Variants in SGCG observed in about 807,000 individuals in gnomAD.
The protein encoded by SGCG is sarcoglycan gamma.
SGCG carries 26 observed loss-of-function variants against 29.3 expected under a neutral mutation model. The observed-to-expected ratio is 0.89, with a 90% CI of 0.65 to 1.23. The LOEUF is 1.23. Ranked by LOEUF, SGCG falls within the 50% of genes most tolerant of loss-of-function variation. The pLI is 0.00. For synonymous variants in SGCG, 145 were observed against 129.7 expected (o/e 1.12, Z -0.80); for missense variants, 353 against 356.0 (o/e 0.99, Z 0.07).
At chr13:23,203,951 T>C in intron 2 of SGCG, 62 bp downstream of exon 2, 1 of 1,189,236 alleles carries the variant, frequency 8.4e-7, no homozygotes, top group Admixed American at 1.7e-5. Context: ...ACTTAGTCTG[T>C]ATTGTATTGA....
chr13:23,273,485 A>G (rs1880945014), intron 4 of SGCG, among the ~76,000 whole-genome samples: 1 of 152,166 alleles, frequency 6.6e-6, no homozygotes, highest in Non-Finnish European at 1.5e-5. Flanking sequence ...ACGCCCAGCC[A>G]GTTGATATTT....
intron 4 of SGCG, among the ~76,000 whole-genome samples, chr13:23,278,886 C>T (rs1464347162): frequency 6.6e-6 from 1 of 152,154 alleles, no homozygotes; most frequent in South Asian, 2.1e-4. Context: ...GGGTGAGCAG[C>T]CCTTCTGAGA....
chr13:23,289,205 G>A (rs901486710), intron 5 of SGCG, among the ~76,000 whole-genome samples: 6 of 152,176 alleles, frequency 3.9e-5, no homozygotes, highest in Admixed American at 2.0e-4. Context: ...AGCACTGCAC[G>A]CAGCGATCAA....
intron 1 of SGCG, among the ~76,000 whole-genome samples, chr13:23,194,451 A>G (rs923276523): frequency 6.6e-6 from 1 of 152,154 alleles, no homozygotes; most frequent in African/African-American, 2.4e-5. Flanking sequence ...AGGATCTCAA[A>G]TGATGTTGTT....
At position 23,324,484 on chromosome 13, in the gene SGCG, C is replaced by T. The variant is rs1566049887; in HGVS notation, c.819C>T (p.Tyr273=). Residue 273 remains tyrosine (Y), a synonymous_variant, in exon 8 of 8, where the codon TAC becomes TAT. Coordinates refer to ENST00000218867, the MANE Select transcript of SGCG (RefSeq NM_000231.3). ...GTGTGTGTCCAGATGGGAAGCTGTA[C>T]CTGTCTGTGGCCGGTGTGAGCACCA... ...EICVCPDGKL[Y]LSVAGVSTTC... The T allele has an allele frequency of 6.2e-7, 1 of 1,613,756 alleles. No homozygotes were observed. Among genetic ancestry groups the T allele is most frequent in the Non-Finnish European group, 8.5e-7 (1 of 1,180,022 alleles).
chr13:23,217,806 T>C (rs192966561), intron 2 of SGCG, among the ~76,000 whole-genome samples: 71 of 152,124 alleles, frequency 4.7e-4, no homozygotes, highest in Admixed American at 4.1e-3. Flanking sequence ...AGAGTTAGGA[T>C]TTATATCCAT....
chr13:23,261,627 T>G (rs1455461591), intron 4 of SGCG, among the ~76,000 whole-genome samples: 4 of 152,114 alleles, frequency 2.6e-5, no homozygotes, highest in Admixed American at 6.6e-5. Context: ...TGTTAGAGAT[T>G]TAGACATCCA....
At chr13:23,295,525 T>TCTTCTACAGG in intron 6 of SGCG, 38 bp downstream of exon 6, 2 of 1,381,798 alleles carry the variant, frequency 1.4e-6, no homozygotes, top group Non-Finnish European at 2.1e-6. Context: ...ACCTCTCCTG[T>TCTTCTACAGG]AGAAGACAAG....
chr13:23,258,808 G>C (rs920262969), intron 4 of SGCG, among the ~76,000 whole-genome samples: 3 of 152,138 alleles, frequency 2.0e-5, no homozygotes, highest in African/African-American at 7.2e-5. Flanking sequence ...AGATAATCAT[G>C]TGGTTTTTGT....
chr13:23,204,486 A>C (rs1877899185), intron 2 of SGCG, among the ~76,000 whole-genome samples: 1 of 152,226 alleles, frequency 6.6e-6, no homozygotes, highest in Non-Finnish European at 1.5e-5. Context: ...TAATTTTACA[A>C]GATAGCTGCA....
chr13:23,249,795 T>C (rs1217641449), intron 3 of SGCG, among the ~76,000 whole-genome samples: 1 of 152,206 alleles, frequency 6.6e-6, no homozygotes, highest in Non-Finnish European at 1.5e-5. Context: ...CAAATGTTTT[T>C]AGTAAATTTT....
chr13:23,201,366 G>A lies in SGCG; in HGVS notation c.1-2329G>A, dbSNP rs796818970. Reference sequence around the variant, plus strand: ...GGAACCTGTGAAGAGGTCACCTTACGTGGAAGAGGAGGCTCTGCAGGTGTG... The same window carrying A: ...GGAACCTGTGAAGAGGTCACCTTACATGGAAGAGGAGGCTCTGCAGGTGTG... On this transcript the variant is annotated intron_variant, in intron 1 of 7. Transcript: ENST00000218867. 0.016 allele frequency among the ~76,000 whole-genome samples: 13 copies of A among 830 alleles called. No homozygotes were observed. In the South Asian group the frequency reaches 0.38, roughly 24 times the overall value. 0.5% of individuals were successfully genotyped at this position (830 alleles called of 152,430 possible). A position where few individuals can be genotyped will look rare whatever the true frequency, so the allele number is the denominator to read the frequency against.
At chr13:23,242,996 G>C (rs948490514) in intron 3 of SGCG, among the ~76,000 whole-genome samples, 1 of 152,062 alleles carries the variant, frequency 6.6e-6, no homozygotes, top group Non-Finnish European at 1.5e-5. Context: ...AAATGTACAC[G>C]TTGATTGTTT....
At chr13:23,233,268 G>A (rs1270972891) in intron 2 of SGCG, among the ~76,000 whole-genome samples, 1 of 152,070 alleles carries the variant, frequency 6.6e-6, no homozygotes, top group African/African-American at 2.4e-5. Context: ...ATGCTATAAC[G>A]TGAAAGATCC....
At chr13:23,178,588 T>G (rs530351783), upstream of SGCG, among the ~76,000 whole-genome samples, 1 of 152,310 alleles carries the variant, frequency 6.6e-6, no homozygotes, top group East Asian at 1.9e-4. Flanking sequence ...ATAACTTCAT[T>G]TGGGCCTTGG....
At chr13:23,224,658 G>A (rs11620584) in intron 2 of SGCG, among the ~76,000 whole-genome samples, 89,116 of 150,636 alleles carry the variant, frequency 0.59, 26,879 homozygotes, top group East Asian at 0.86. Flanking sequence ...CCCAAACAGG[G>A]CACACATACA....
chr13:23,192,880 T>C (rs918430900), intron 1 of SGCG, among the ~76,000 whole-genome samples: 16 of 152,224 alleles, frequency 1.1e-4, no homozygotes, highest in African/African-American at 3.6e-4. Context: ...GAGCTGTTAC[T>C]ATGTGCCAGA....
intron 2 of SGCG, among the ~76,000 whole-genome samples, chr13:23,231,786 T>C (rs1767178338): frequency 6.6e-6 from 1 of 152,166 alleles, no homozygotes; most frequent in Non-Finnish European, 1.5e-5. Context: ...CTCTGAGCCC[T>C]TTCTTCAAAC....
chr13:23,213,475 C>T (rs1287487236), intron 2 of SGCG, among the ~76,000 whole-genome samples: 2 of 151,982 alleles, frequency 1.3e-5, no homozygotes, highest in Non-Finnish European at 2.9e-5. Flanking sequence ...GAGTGAGACT[C>T]CGTTTCAAAA....
Sources: allele counts gnomAD v4.1 joint callset (sites outside exome capture counted in the v4.1 genomes callset), GRCh38; gene constraint gnomAD v4.1.1; transcripts MANE v1.5; gene names NCBI Gene and HGNC (gene_info 2026-07-23, HGNC 2026-07-21).